Variants in NDUFS6 observed in about 807,000 individuals in gnomAD.
NDUFS6 encodes NADH:ubiquinone oxidoreductase subunit S6, also known as NADH dehydrogenase [ubiquinone] iron-sulfur protein 6, mitochondrial.
A neutral mutation model predicts 13.2 loss-of-function variants in NDUFS6; 14 were observed. The observed-to-expected ratio is 1.06, with a 90% CI of 0.70 to 1.66. The LOEUF (loss-of-function observed/expected upper bound fraction) is 1.66. Ranked by LOEUF, NDUFS6 falls within the 40% of genes most tolerant of loss-of-function variation. NDUFS6 has a pLI of 0.00. For synonymous variants in NDUFS6, 95 were observed against 72.3 expected (o/e 1.31, Z -1.60); for missense variants, 206 against 170.8 (o/e 1.21, Z -1.15).
At chr5:1,812,874 G>A (rs1319567877) in intron 2 of NDUFS6, among the ~76,000 whole-genome samples, 1 of 151,980 alleles carries the variant, frequency 6.6e-6, no homozygotes, top group African/African-American at 2.4e-5. Context: ...CCAACATGGT[G>A]AAACCCTGTC....
At chr5:1,808,016 G>T (rs1007317106) in intron 2 of NDUFS6, among the ~76,000 whole-genome samples, 8 of 152,178 alleles carry the variant, frequency 5.3e-5, no homozygotes, top group Non-Finnish European at 8.8e-5. Context: ...CTAGGGTGAG[G>T]CCCCCAGCCA....
intron 2 of NDUFS6, among the ~76,000 whole-genome samples, chr5:1,811,076 C>T (rs1007514277): frequency 2.0e-5 from 3 of 152,204 alleles, no homozygotes; most frequent in South Asian, 2.1e-4. Context: ...AGTTCATTTT[C>T]TCTTCCTTGT....
At chr5:1,815,113 A>G (rs1025004863) in intron 3 of NDUFS6, among the ~76,000 whole-genome samples, 6 of 152,114 alleles carry the variant, frequency 3.9e-5, no homozygotes, top group African/African-American at 9.7e-5. Context: ...GTAATCTTTT[A>G]TGCCTGTTGA....
chr5:1,808,619 C>T (rs981896665), intron 2 of NDUFS6, among the ~76,000 whole-genome samples: 1 of 152,174 alleles, frequency 6.6e-6, no homozygotes, highest in Non-Finnish European at 1.5e-5. Context: ...TCTATTGTGT[C>T]TTTGTGTCTT....
intron 3 of NDUFS6, 125 bp from the exon 4 acceptor site, chr5:1,815,726 T>A (rs1734297773): frequency 1.0e-6 from 1 of 985,984 alleles, no homozygotes; most frequent in Non-Finnish European, 1.6e-6. Context: ...GCATTCTTAC[T>A]TCAGTAGTAA....
Position 1,814,814 on chromosome 5 carries a change from A to T in NDUFS6, c.309+353A>T. ...CGAAAACAACAAACACATTTCCCAC[A>T]GCGCTGGAGGCTGCAGCCCAAGACC... On this transcript the variant is annotated intron_variant, in intron 3 of 3. Coordinates refer to ENST00000274137, the MANE Select transcript of NDUFS6 (RefSeq NM_004553.6). This position sits in a 1 kb window ranked among gnomAD's most constrained non-coding sequence, Gnocchi z 4.9. 1 of 641,174 alleles carries T rather than the reference A, an allele frequency of 1.6e-6. No individual in the cohort carries two copies. Among genetic ancestry groups the T allele is most frequent in the Admixed American group, 2.4e-5 (1 of 42,084 alleles). The allele number at this position is 641,174 out of a possible 1,614,324, so 39.7% of individuals were successfully genotyped here. A position where few individuals can be genotyped will look rare whatever the true frequency, so the allele number is the denominator to read the frequency against.
chr5:1,809,743 C>T (rs1268955878), intron 2 of NDUFS6, among the ~76,000 whole-genome samples: 1 of 152,228 alleles, frequency 6.6e-6, no homozygotes, highest in Non-Finnish European at 1.5e-5. Context: ...CACCATAAGG[C>T]TTAATTTGTA....
chr5:1,815,853 C>G lies in NDUFS6; in HGVS notation c.312C>G (p.Asp104Glu), dbSNP rs754258714. 3 of 1,614,148 alleles carry G rather than the reference C, an allele frequency of 1.9e-6. No individual in the cohort carries two copies. Among genetic ancestry groups the G allele is most frequent in the East Asian group, 2.2e-5 (1 of 44,888 alleles). Reference sequence around the variant, plus strand: ...TCATTCCTTTTGAATTTTTTCAGGACAAAGAAACAAAAACCGGCACATGCG... The same window carrying G: ...TCATTCCTTTTGAATTTTTTCAGGAGAAAGAAACAAAAACCGGCACATGCG... ...LGHPKVYINLDKETKTGTCGY... is the reference protein window; with the variant it reads ...LGHPKVYINLEKETKTGTCGY... Residue 104 changes from aspartate (D) to glutamate (E), a missense_variant and splice_region_variant, in exon 4 of 4, where the codon GAC becomes GAG. Coordinates refer to ENST00000274137, the MANE Select transcript of NDUFS6 (RefSeq NM_004553.6).
intron 2 of NDUFS6, among the ~76,000 whole-genome samples, chr5:1,812,842 C>T (rs1734240127): frequency 2.0e-5 from 3 of 151,874 alleles, no homozygotes; most frequent in Admixed American, 2.0e-4. Flanking sequence ...CACCTAAGGT[C>T]AGGAGTTCGA....
At chr5:1,802,786 CACA>C (rs1734069095) in intron 2 of NDUFS6, among the ~76,000 whole-genome samples, 1 of 152,130 alleles carries the variant, frequency 6.6e-6, no homozygotes, top group Non-Finnish European at 1.5e-5. Flanking sequence ...CTGAAAATGG[CACA>C]TGAGTTTTTC....
chr5:1,806,845 C>T (rs1734130806), intron 2 of NDUFS6, among the ~76,000 whole-genome samples: 1 of 152,208 alleles, frequency 6.6e-6, no homozygotes, highest in African/African-American at 2.4e-5. Flanking sequence ...GTCCGGGGTA[C>T]ACTCGTGTCA....
chr5:1,809,516 G>A (rs2111355541), intron 2 of NDUFS6, among the ~76,000 whole-genome samples: 1 of 152,346 alleles, frequency 6.6e-6, no homozygotes, highest in East Asian at 1.9e-4. Context: ...AGCTCCTGGA[G>A]CCAGACGTTT....
rs140619622 is a variant in NDUFS6 at position 1,801,513 on chromosome 5, C to T, written c.96C>T (p.Val32=). 1 of 1,598,600 alleles carries T rather than the reference C, an allele frequency of 6.3e-7. No homozygotes were observed. The highest frequency in any genetic ancestry group is 8.5e-7 in the Non-Finnish European group (1 of 1,178,040). The change falls in exon 1 of 4, where the codon GTC becomes GTT. Residue 32 remains valine (V), a synonymous_variant. Transcript: ENST00000274137. Reference sequence around the variant, plus strand: ...GCGCCAGGTGTTTCGGGGTGCGGGTCTCGCCGACCGGGGAGAAGGTCACGC... The same window carrying T: ...GCGCCAGGTGTTTCGGGGTGCGGGTTTCGCCGACCGGGGAGAAGGTCACGC... The part of the protein sequence containing the change: ...PLGARCFGVR[V]SPTGEKVTHT...
chr5:1,804,193 G>C (rs746570231), intron 2 of NDUFS6, among the ~76,000 whole-genome samples: 14 of 152,224 alleles, frequency 9.2e-5, no homozygotes, highest in Non-Finnish European at 1.6e-4. Flanking sequence ...GAGCAGATTG[G>C]TCCTGAAGCC....
intron 2 of NDUFS6, among the ~76,000 whole-genome samples, chr5:1,804,585 A>T (rs1215974805): frequency 6.6e-6 from 1 of 152,286 alleles, no homozygotes; most frequent in African/African-American, 2.4e-5. Flanking sequence ...TGTTGATAAC[A>T]TGATGAGTGG....
Position 1,802,491 on chromosome 5 carries a change from T to C in NDUFS6, c.186+117T>C, listed in dbSNP as rs1039663038. 5.3e-5 allele frequency: 42 copies of C among 793,354 alleles called. 2 individuals are homozygous for C. In the South Asian group the frequency reaches 7.2e-4, roughly 14 times the overall value. 49.1% of individuals were successfully genotyped at this position (793,354 alleles called of 1,614,324 possible). ...AATTTTCCCCATATTGCAAGCACCCTAACAGTTCTGGATGGGGTTCTTCCT... is the reference window on the plus strand; with the variant it reads ...AATTTTCCCCATATTGCAAGCACCCCAACAGTTCTGGATGGGGTTCTTCCT... On this transcript the variant is annotated intron_variant, in intron 2 of 3. Coordinates refer to ENST00000274137, the MANE Select transcript of NDUFS6 (RefSeq NM_004553.6).
chr5:1,811,886 G>A (rs965186249), intron 2 of NDUFS6, among the ~76,000 whole-genome samples: 6 of 152,162 alleles, frequency 3.9e-5, no homozygotes, highest in Non-Finnish European at 1.5e-5. Context: ...TTCATAAGGG[G>A]TTGTAAAATG....
chr5:1,813,098 G>A (rs1734245213), intron 2 of NDUFS6, among the ~76,000 whole-genome samples: 2 of 152,166 alleles, frequency 1.3e-5, no homozygotes, highest in South Asian at 4.1e-4. Context: ...CATGGGATGA[G>A]TCACACTGAT....
chr5:1,803,573 A>G (rs934869117), intron 2 of NDUFS6, among the ~76,000 whole-genome samples: 37 of 152,228 alleles, frequency 2.4e-4, no homozygotes, highest in African/African-American at 7.5e-4. Context: ...CCATGTGAAT[A>G]TTTTTAATTG....
Sources: allele counts gnomAD v4.1 joint callset (sites outside exome capture counted in the v4.1 genomes callset), GRCh38; gene constraint gnomAD v4.1.1; non-coding constraint Gnocchi (gnomAD v3.1); transcripts MANE v1.5; gene names NCBI Gene and HGNC (gene_info 2026-07-23, HGNC 2026-07-21).